Variants in JAKMIP2 observed in about 807,000 individuals in gnomAD.
JAKMIP2 encodes janus kinase and microtubule-interacting protein 2.
Under a neutral mutation model 115.0 loss-of-function variants are expected in JAKMIP2, and 25 were observed. That is an observed-to-expected ratio of 0.22 (90% CI 0.16 to 0.30). JAKMIP2 has a LOEUF of 0.30. Ranked by LOEUF, JAKMIP2 falls within the 10% of genes least tolerant of loss-of-function variation. The probability of loss-of-function intolerance (pLI) is 1.00; values close to 1 mark genes in which losing one functional copy is unlikely to be tolerated. For missense variants in JAKMIP2, 642 were observed against 957.6 expected (o/e 0.67, Z 4.35); for synonymous variants, 334 against 343.6 (o/e 0.97, Z 0.31).
At chr5:147,612,886 T>C (rs868282386) in intron 19 of JAKMIP2, among the ~76,000 whole-genome samples, 7 of 152,238 alleles carry the variant, frequency 4.6e-5, no homozygotes, top group Admixed American at 6.5e-5. Context: ...AATCCAATTG[T>C]TCTTTCTTAA....
chr5:147,639,530 A>C, intron 10 of JAKMIP2, 102 bp downstream of exon 10: 1 of 1,345,208 alleles, frequency 7.4e-7, no homozygotes, highest in Non-Finnish European at 1.0e-6. Context: ...AGGAGAGAAG[A>C]ATACAGGGAA....
Position 147,612,294 on chromosome 5 carries a change from T to G in JAKMIP2, c.2412+12A>C. On this transcript the variant is annotated intron_variant, in intron 20 of 21. Coordinates refer to ENST00000616793, the MANE Select transcript of JAKMIP2 (RefSeq NM_001270941.2). ...AACAAATAATAAGATAGTTATTGAA[T>G]TTGACACCTACCTTTTCTTCTAAGT... 6.1e-6 allele frequency: 9 copies of G among 1,481,768 alleles called. No individual in the cohort carries two copies. Among genetic ancestry groups the G allele is most frequent in the Non-Finnish European group, 8.5e-6 (9 of 1,064,876 alleles). 91.8% of individuals were successfully genotyped at this position (1,481,768 alleles called of 1,614,324 possible). A position where few individuals can be genotyped will look rare whatever the true frequency, so the allele number is the denominator to read the frequency against.
At chr5:147,779,670 C>T (rs2127095786) in intron 1 of JAKMIP2, among the ~76,000 whole-genome samples, 1 of 152,094 alleles carries the variant, frequency 6.6e-6, no homozygotes, top group East Asian at 1.9e-4. Flanking sequence ...TTACAAATAC[C>T]TAGAACCTGT....
chr5:147,649,141 A>G lies in JAKMIP2; in HGVS notation c.838-667T>C, dbSNP rs566616410. Among the ~76,000 whole-genome samples the G allele has an allele frequency of 5.9e-5, 9 of 152,286 alleles. No homozygotes were observed. In the South Asian group the frequency reaches 1.5e-3, roughly 25 times the overall value. On this transcript the variant is annotated intron_variant, in intron 4 of 21. Transcript: ENST00000616793. ...TGTTGTAGAGTTATATAAGACTGTT[A>G]TTATCATATGCTAACAATTATATTA...
At chr5:147,702,632 GAAAGAAA>G (rs1752401040) in intron 1 of JAKMIP2, among the ~76,000 whole-genome samples, 4 of 121,366 alleles carry the variant, frequency 3.3e-5, no homozygotes, top group Non-Finnish European at 6.6e-5. Context: ...AAGAAAGAAA[GAAAGAAA>G]GAAAGAAAGA....
chr5:147,612,715 G>A (rs138160452), intron 19 of JAKMIP2, among the ~76,000 whole-genome samples: 52 of 152,312 alleles, frequency 3.4e-4, no homozygotes, highest in African/African-American at 1.1e-3. Flanking sequence ...TGGAATGCAA[G>A]TTGGAATAAG....
chr5:147,601,375 G>A (rs1262730872), intron 21 of JAKMIP2, among the ~76,000 whole-genome samples: 1 of 152,076 alleles, frequency 6.6e-6, no homozygotes, highest in African/African-American at 2.4e-5. Flanking sequence ...AGGATTGCTT[G>A]AGCTCTGAAG....
chr5:147,710,841 ATTATT>A (rs1752750379), intron 1 of JAKMIP2, among the ~76,000 whole-genome samples: 2 of 152,332 alleles, frequency 1.3e-5, no homozygotes, highest in South Asian at 4.1e-4. Context: ...GTGAGGCAAT[ATTATT>A]TTATATCTTG....
chr5:147,772,159 T>C (rs1338365135), intron 1 of JAKMIP2, among the ~76,000 whole-genome samples: 2 of 152,062 alleles, frequency 1.3e-5, no homozygotes, highest in Admixed American at 6.6e-5. Context: ...ATTAAACATA[T>C]GTAAATTGTG....
chr5:147,603,027 T>C (rs142109477), intron 20 of JAKMIP2, among the ~76,000 whole-genome samples: 5 of 152,296 alleles, frequency 3.3e-5, no homozygotes, highest in South Asian at 4.1e-4. Context: ...ATGAGAGTAA[T>C]GGACGAATTC....
chr5:147,744,864 C>A (rs1754293148), intron 1 of JAKMIP2, among the ~76,000 whole-genome samples: 2 of 151,920 alleles, frequency 1.3e-5, no homozygotes, highest in African/African-American at 4.8e-5. Context: ...TTGAGACCAT[C>A]CTGGCCACGA....
chr5:147,735,555 G>GC (rs1301394878), intron 1 of JAKMIP2, among the ~76,000 whole-genome samples: 3 of 152,128 alleles, frequency 2.0e-5, no homozygotes, highest in Admixed American at 1.3e-4. Context: ...TAAAGGAACT[G>GC]CCCCCATGAG....
chr5:147,733,016 T>C (rs758811850), intron 1 of JAKMIP2, among the ~76,000 whole-genome samples: 1 of 152,218 alleles, frequency 6.6e-6, no homozygotes, highest in Non-Finnish European at 1.5e-5. Context: ...AGATTGGCTG[T>C]GCAAAACAAC....
chr5:147,711,012 T>C (rs1752757816), intron 1 of JAKMIP2, among the ~76,000 whole-genome samples: 3 of 152,194 alleles, frequency 2.0e-5, no homozygotes, highest in Admixed American at 2.0e-4. Context: ...CTAAACATTA[T>C]TTACTATTGT....
intron 2 of JAKMIP2, among the ~76,000 whole-genome samples, chr5:147,669,901 G>A (rs576843197): frequency 2.0e-5 from 3 of 152,110 alleles, no homozygotes; most frequent in African/African-American, 4.8e-5. Context: ...CAGGAATCTC[G>A]ATATTTAATC....
chr5:147,595,009 G>C (rs1017460197), intron 21 of JAKMIP2, among the ~76,000 whole-genome samples: 1 of 152,012 alleles, frequency 6.6e-6, no homozygotes, highest in African/African-American at 2.4e-5. Flanking sequence ...TGGTGATGTG[G>C]GAAATGTGGT....
chr5:147,737,256 C>T (rs1411069540), intron 1 of JAKMIP2, among the ~76,000 whole-genome samples: 2 of 152,182 alleles, frequency 1.3e-5, no homozygotes, highest in African/African-American at 4.8e-5. Flanking sequence ...TATAACTCTG[C>T]TCTTGCAGTG....
Position 147,673,396 on chromosome 5 carries a change from C to T in JAKMIP2, c.-148-1442G>A, listed in dbSNP as rs182433965. On this transcript the variant is annotated intron_variant, in intron 1 of 21. Coordinates refer to ENST00000616793, the MANE Select transcript of JAKMIP2 (RefSeq NM_001270941.2). The stretch of plus-strand genomic sequence containing the variant: ...AACTCCTGCTGACCACCCATATGTT[C>T]CGGCAGCTGCTGCTCTCTTAAGACC... Among the ~76,000 whole-genome samples, 241 of 152,260 alleles carry T rather than the reference C, an allele frequency of 1.6e-3. 1 individual carries two copies. Among genetic ancestry groups the T allele is most frequent in the South Asian group, 0.014 (66 of 4,804 alleles).
chr5:147,689,965 G>T (rs1174350679), intron 1 of JAKMIP2, among the ~76,000 whole-genome samples: 1 of 152,116 alleles, frequency 6.6e-6, no homozygotes, highest in Non-Finnish European at 1.5e-5. Flanking sequence ...ATGTTAAAAG[G>T]TAATAATGAG....
Sources: allele counts gnomAD v4.1 joint callset (sites outside exome capture counted in the v4.1 genomes callset), GRCh38; gene constraint gnomAD v4.1.1; transcripts MANE v1.5; gene names NCBI Gene and HGNC (gene_info 2026-07-23, HGNC 2026-07-21).